Variants in PPP2R5C observed in about 807,000 individuals in gnomAD.
PPP2R5C encodes serine/threonine-protein phosphatase 2A 56 kDa regulatory subunit gamma isoform.
In PPP2R5C, 7 loss-of-function variants were observed where a neutral mutation model predicts 68.9. That is an observed-to-expected ratio of 0.10 (90% CI 0.06 to 0.19). The LOEUF is 0.19. Ranked by LOEUF, PPP2R5C falls within the 10% of genes least tolerant of loss-of-function variation. The pLI is 1.00. For missense variants in PPP2R5C, 348 were observed against 641.3 expected (o/e 0.54, Z 4.94); for synonymous variants, 210 against 222.2 (o/e 0.95, Z 0.49).
intron 6 of PPP2R5C, among the ~76,000 whole-genome samples, chr14:101,892,651 T>C (rs2045028972): frequency 6.6e-6 from 1 of 152,190 alleles, no homozygotes; most frequent in Admixed American, 6.5e-5. Flanking sequence ...TGTATATATA[T>C]AGGAAGAATC....
chr14:101,776,871 ACCTCAT>A (rs1353358925), intron 2 of PPP2R5C, among the ~76,000 whole-genome samples: 3 of 147,308 alleles, frequency 2.0e-5, no homozygotes, highest in Non-Finnish European at 4.5e-5. Flanking sequence ...CGTGCGTCAT[ACCTCAT>A]TCCCTTTTTT....
chr14:101,816,316 TCTCA>T (rs1304392006), intron 1 of PPP2R5C, among the ~76,000 whole-genome samples: 1 of 152,210 alleles, frequency 6.6e-6, no homozygotes, highest in Non-Finnish European at 1.5e-5. Flanking sequence ...AAATCATTTC[TCTCA>T]CTCACATCTT....
chr14:101,905,792 G>T (rs916726296), intron 9 of PPP2R5C, among the ~76,000 whole-genome samples: 1 of 152,066 alleles, frequency 6.6e-6, no homozygotes, highest in Non-Finnish European at 1.5e-5. Context: ...GTGGTCCTCA[G>T]CCAGCCCCGT....
chr14:101,885,773 T>C (rs1351022062), intron 5 of PPP2R5C, among the ~76,000 whole-genome samples: 1 of 152,242 alleles, frequency 6.6e-6, no homozygotes, highest in Non-Finnish European at 1.5e-5. Flanking sequence ...TGTTTCTTGG[T>C]ATCATGATTC....
rs1308649792 is a variant in PPP2R5C, at chr14:101,895,928, C to T, written c.852+1368C>T. On this transcript the variant is annotated intron_variant, in intron 8 of 13. Transcript: ENST00000334743. ...CACAGTGACTGTCCCGTTTTACATT[C>T]CCTGCAGCAATGCACAAAGGCTCCC... Among the ~76,000 whole-genome samples, 4 of 152,202 alleles carry T rather than the reference C, an allele frequency of 2.6e-5. No homozygotes were observed. The East Asian group carries it at 7.7e-4, about 29-fold the overall frequency.
At chr14:101,808,076 A>G (rs557517467), upstream of PPP2R5C, among the ~76,000 whole-genome samples, 265 of 151,198 alleles carry the variant, frequency 1.8e-3, 1 homozygote, top group African/African-American at 5.6e-3. Flanking sequence ...GTCTGAGTTC[A>G]TCTGGCATCA....
At chr14:101,780,294 C>T (rs537816713) in intron 2 of PPP2R5C, among the ~76,000 whole-genome samples, 2 of 152,234 alleles carry the variant, frequency 1.3e-5, no homozygotes, top group South Asian at 4.1e-4. Flanking sequence ...AGATCCAAAT[C>T]AGGTACACAC....
upstream of PPP2R5C, chr14:101,761,681 C>G: frequency 4.5e-6 from 1 of 222,952 alleles, no homozygotes; most frequent in Non-Finnish European, 7.2e-6. Context: ...GGAGAGACGC[C>G]GCCGCTGCCG....
At position 101,899,151 on chromosome 14, in the gene PPP2R5C, C is replaced by T. The variant is rs2045535093; in HGVS notation, c.853-2568C>T. Among the ~76,000 whole-genome samples, 1 of 152,250 alleles carries T rather than the reference C, an allele frequency of 6.6e-6. No homozygotes were observed. Among genetic ancestry groups the T allele is most frequent in the Non-Finnish European group, 1.5e-5 (1 of 68,048 alleles). Reference sequence around the variant, plus strand: ...TCAAAAGCTTTCTGGGCACATGAAACACTTTCTCTGTTGGAAGAATAACAA... The same window carrying T: ...TCAAAAGCTTTCTGGGCACATGAAATACTTTCTCTGTTGGAAGAATAACAA... On this transcript the variant is annotated intron_variant, in intron 8 of 13. Transcript: ENST00000334743. This position sits in a 1 kb window ranked among gnomAD's most constrained non-coding sequence, Gnocchi z 4.2.
chr14:101,887,953 GGTGT>G (rs2044634730), intron 5 of PPP2R5C, among the ~76,000 whole-genome samples: 1 of 152,112 alleles, frequency 6.6e-6, no homozygotes, highest in Non-Finnish European at 1.5e-5. Flanking sequence ...TCCCTCCCAG[GGTGT>G]CCCTGTTTGT....
intron 1 of PPP2R5C, among the ~76,000 whole-genome samples, chr14:101,844,975 T>C (rs2041734454): frequency 6.6e-6 from 1 of 152,144 alleles, no homozygotes; most frequent in South Asian, 2.1e-4. Flanking sequence ...ACGAAGGGTG[T>C]TGAGCATTTA....
In PPP2R5C at chr14:101,912,800, C is replaced by G. The variant is rs146121604; in HGVS notation, c.1326+327C>G. ...CTCAGATATCATAGATGCTGTCACT[C>G]AAACAGCATTTCCCTTTCTTTTTCA... is the stretch of plus-strand genomic sequence containing the variant. On this transcript the variant is annotated intron_variant, in intron 12 of 13. Transcript: ENST00000334743. Among the ~76,000 whole-genome samples, 159 of 152,298 alleles carry G rather than the reference C, an allele frequency of 1.0e-3. 1 individual carries two copies. Among genetic ancestry groups the G allele is most frequent in the African/African-American group, 3.6e-3 (150 of 41,568 alleles).
intron 2 of PPP2R5C, chr14:101,765,493 C>A: frequency 5.9e-6 from 3 of 507,248 alleles, no homozygotes; most frequent in Non-Finnish European, 1.1e-5. Flanking sequence ...TCCTCTCTCT[C>A]AGTATTACTC....
chr14:101,882,326 C>A lies in PPP2R5C; in HGVS notation c.405+55C>A. 7.1e-7 allele frequency: 1 copy of A among 1,408,604 alleles called. No individual in the cohort carries two copies. The highest frequency in any genetic ancestry group is 2.0e-5 in the Admixed American group (1 of 49,148). The allele number at this position is 1,408,604 out of a possible 1,614,324, so 87.3% of individuals were successfully genotyped here. ...GGCACTGGTGACACATGGGAATGGCCTGGGATCCACAGAGCGGGCGCACTG... is the reference window on the plus strand; with the variant it reads ...GGCACTGGTGACACATGGGAATGGCATGGGATCCACAGAGCGGGCGCACTG... On this transcript the variant is annotated intron_variant, in intron 3 of 13. Coordinates refer to ENST00000334743, the Ensembl canonical transcript of PPP2R5C. The surrounding 1 kb of genome is among the most constrained non-coding windows in gnomAD (Gnocchi z 4.9).
chr14:101,813,558 T>G (rs1420046571), intron 1 of PPP2R5C, among the ~76,000 whole-genome samples: 1 of 152,210 alleles, frequency 6.6e-6, no homozygotes, highest in Non-Finnish European at 1.5e-5. Flanking sequence ...GCGTGGTGGG[T>G]GGGCCCACTT....
chr14:101,766,318 G>T (rs1348335340), intron 2 of PPP2R5C: 1 of 152,194 alleles, frequency 6.6e-6, no homozygotes, highest in African/African-American at 2.4e-5. Flanking sequence ...TTGGGGGTTA[G>T]AAAATAAACA....
intron 2 of PPP2R5C, among the ~76,000 whole-genome samples, chr14:101,775,996 G>A (rs2037396710): frequency 6.6e-6 from 1 of 151,940 alleles, no homozygotes; most frequent in African/African-American, 2.4e-5. Flanking sequence ...TGGCCGACAA[G>A]TGTCTCAAAT....
intron 1 of PPP2R5C, chr14:101,820,787 G>T (rs2040006850): frequency 6.6e-6 from 1 of 152,098 alleles, no homozygotes; most frequent in African/African-American, 2.4e-5. Context: ...TTTCTCGCTG[G>T]TTTCTTTTTG....
intron 1 of PPP2R5C, chr14:101,831,670 TTA>T (rs1796033994): frequency 2.9e-6 from 2 of 686,790 alleles, no homozygotes; most frequent in Non-Finnish European, 5.4e-6. Flanking sequence ...ACAGGTCCAC[TTA>T]TATGTGGATT....
Sources: allele counts gnomAD v4.1 joint callset (sites outside exome capture counted in the v4.1 genomes callset), GRCh38; gene constraint gnomAD v4.1.1; non-coding constraint Gnocchi (gnomAD v3.1); transcripts MANE v1.5; gene names NCBI Gene and HGNC (gene_info 2026-07-23, HGNC 2026-07-21).